The following FYB1 variants were observed in gnomAD, a reference collection of about 807,000 sequenced individuals.
FYB1 encodes the protein FYN binding protein 1.
A neutral mutation model predicts 94.1 loss-of-function variants in FYB1; 41 were observed. The observed-to-expected ratio is 0.44, with a 90% confidence interval of 0.34 to 0.57. FYB1 has a LOEUF of 0.57. Ranked by LOEUF, FYB1 falls within the 20% of genes least tolerant of loss-of-function variation. The pLI, the probability that FYB1 is intolerant of heterozygous loss-of-function variation, is 0.02. For synonymous variants in FYB1, 367 were observed against 353.2 expected, an observed-to-expected ratio of 1.04 and a Z score of -0.44; for missense variants, 1,050 against 976.8, an observed-to-expected ratio of 1.07 and a Z score of -1.00.
chr5:39,183,303 G>A (rs111799527), intron 2 of FYB1, among the ~76,000 whole-genome samples: 3,508 of 152,096 alleles, frequency 0.023, 63 homozygotes, highest in Non-Finnish European at 0.036. Flanking sequence ...CTTTTTTTAA[G>A]GTACGATTAA....
chr5:39,220,743 T>C (rs191139158), upstream of FYB1, among the ~76,000 whole-genome samples: 1 of 152,348 alleles, frequency 6.6e-6, no homozygotes, highest in African/African-American at 2.4e-5. Flanking sequence ...CCAGAGATGG[T>C]CACTTTCCTC....
At position 39,202,975 on chromosome 5, in the gene FYB1, C is replaced by G. The variant is rs200853480; in HGVS notation, c.-15G>C. On this transcript the variant is annotated 5_prime_UTR_variant, in exon 2 of 19. Transcript: ENST00000512982. ...TATTTCGCCATGAGGGACTTTACATCTGCCTTTCCATCCTACAAACATAGG... is the reference window on the plus strand; with the variant it reads ...TATTTCGCCATGAGGGACTTTACATGTGCCTTTCCATCCTACAAACATAGG... The G allele has an allele frequency of 2.1e-4, 339 of 1,613,266 alleles. 2 individuals are homozygous for G. In the African/African-American group the frequency reaches 4.0e-3, roughly 19 times the overall value.
intron 1 of FYB1, among the ~76,000 whole-genome samples, chr5:39,247,988 A>C (rs543597616): frequency 2.0e-5 from 3 of 152,062 alleles, no homozygotes; most frequent in Non-Finnish European, 4.4e-5. Context: ...AGTCAAAGCA[A>C]GCACATTGGT....
intron 1 of FYB1, among the ~76,000 whole-genome samples, chr5:39,255,260 C>T (rs1418480519): frequency 6.6e-6 from 1 of 152,118 alleles, no homozygotes; most frequent in African/African-American, 2.4e-5. Context: ...CTTGCCCAGT[C>T]TATGTGACAT....
At chr5:39,227,349 AG>A (rs1750521924) in intron 1 of FYB1, among the ~76,000 whole-genome samples, 1 of 152,198 alleles carries the variant, frequency 6.6e-6, no homozygotes, top group African/African-American at 2.4e-5. Flanking sequence ...TATTTTTCAT[AG>A]GGGATGCCAA....
intron 6 of FYB1, 25 bp downstream of exon 6, chr5:39,138,632 T>C (rs369426419): frequency 1.2e-5 from 18 of 1,457,388 alleles, no homozygotes; most frequent in Non-Finnish European, 1.6e-5. Flanking sequence ...AAGAAAACTG[T>C]CATGGTAAAA....
chr5:39,227,435 A>G (rs1324117521), intron 1 of FYB1, among the ~76,000 whole-genome samples: 7 of 152,202 alleles, frequency 4.6e-5, no homozygotes, highest in Non-Finnish European at 7.3e-5. Context: ...ATGAATTGTC[A>G]TTTGCACAAC....
intron 2 of FYB1, among the ~76,000 whole-genome samples, chr5:39,196,207 T>C (rs1207827012): frequency 1.5e-5 from 2 of 130,584 alleles, no homozygotes; most frequent in Non-Finnish European, 3.2e-5. Flanking sequence ...TATAATTCTT[T>C]CTTTTTTTTT....
intron 1 of FYB1, among the ~76,000 whole-genome samples, chr5:39,214,935 A>G (rs1749723682): frequency 1.3e-5 from 2 of 152,200 alleles, no homozygotes; most frequent in Non-Finnish European, 2.9e-5. Flanking sequence ...TGTCAAAAAA[A>G]AAATATTGTG....
In FYB1 at chr5:39,214,126, G is replaced by A. The variant is rs115318949; in HGVS notation, c.-28+5317C>T. Among the ~76,000 whole-genome samples the A allele has an allele frequency of 6.1e-3, 930 of 152,298 alleles. 8 individuals carry two copies. The highest frequency in any genetic ancestry group is 0.021 in the African/African-American group (876 of 41,552). On this transcript the variant is annotated intron_variant, in intron 1 of 18. Coordinates refer to ENST00000512982, the MANE Select transcript of FYB1 (RefSeq NM_001465.6). ...GGTTTTCAAAAGAAAGTACCACAGA[G>A]AGAGTCATCTATTATTTCTAGACAG...
rs530703362 is a variant in FYB1 at position 39,162,710 on chromosome 5, G to A, written c.1136-9106C>T. 4.1e-3 allele frequency among the ~76,000 whole-genome samples: 446 copies of A among 108,784 alleles called. 2 individuals carry two copies. Among genetic ancestry groups the A allele is most frequent in the African/African-American group, 0.012 (438 of 37,528 alleles). 71.4% of individuals were successfully genotyped at this position (108,784 alleles called of 152,430 possible). A position where few individuals can be genotyped will look rare whatever the true frequency, so the allele number is the denominator to read the frequency against. Reference sequence around the variant, plus strand: ...AAAAAAAGTTTTGGTAAGTAATGCCGTTTAGTGATTTTTTTTTTTTTAAAC... The same window carrying A: ...AAAAAAAGTTTTGGTAAGTAATGCCATTTAGTGATTTTTTTTTTTTTAAAC... On this transcript the variant is annotated intron_variant, in intron 2 of 18. Coordinates refer to ENST00000512982, the MANE Select transcript of FYB1 (RefSeq NM_001465.6).
intron 1 of FYB1, among the ~76,000 whole-genome samples, chr5:39,252,404 G>A (rs1235361229): frequency 6.6e-6 from 1 of 152,104 alleles, no homozygotes; most frequent in Non-Finnish European, 1.5e-5. Flanking sequence ...CATAATATAA[G>A]GGAAATAGCT....
At chr5:39,270,765 G>C in intron 1 of FYB1, 1 of 463,674 alleles carries the variant, frequency 2.2e-6, no homozygotes, top group Non-Finnish European at 3.8e-6. Flanking sequence ...TGTATAGCTG[G>C]CCAGGTTTAT....
At chr5:39,134,383 C>T (rs1255811376) in intron 8 of FYB1, 34 bp from the exon 9 acceptor site, 1 of 1,517,820 alleles carries the variant, frequency 6.6e-7, no homozygotes, top group Non-Finnish European at 9.0e-7. Flanking sequence ...GTTCAGGCAA[C>T]TGTAGTTTAA....
chr5:39,256,483 T>G (rs1751947130), intron 1 of FYB1, among the ~76,000 whole-genome samples: 2 of 152,182 alleles, frequency 1.3e-5, no homozygotes, highest in Admixed American at 1.3e-4. Context: ...TCCTGGCTGT[T>G]TTATGGGAAT....
rs534982583 is a variant in FYB1 at position 39,145,695 on chromosome 5, A to G, written c.1293-4554T>C. Among the ~76,000 whole-genome samples, 56 of 152,308 alleles carry G rather than the reference A, an allele frequency of 3.7e-4. No homozygotes were observed. The South Asian group carries it at 0.012, about 32-fold the overall frequency. On this transcript the variant is annotated intron_variant, in intron 3 of 18. Coordinates refer to ENST00000512982, the MANE Select transcript of FYB1 (RefSeq NM_001465.6). ...TAAAATCCATAGCTCTTTTTATGGC[A>G]TACAAGGTTCTTATGATCAATCTTG...
At chr5:39,122,427 G>C in intron 13 of FYB1, 25 bp from the exon 14 acceptor site, 1 of 1,387,122 alleles carries the variant, frequency 7.2e-7, no homozygotes, top group Non-Finnish European at 1.0e-6. Flanking sequence ...AATATCAAAG[G>C]TTGAAACACT....
intron 1 of FYB1, among the ~76,000 whole-genome samples, chr5:39,242,773 C>T (rs865870673): frequency 2.6e-5 from 4 of 152,152 alleles, no homozygotes; most frequent in South Asian, 2.1e-4. Context: ...AAAAATGTTC[C>T]TATTTCTCCA....
At chr5:39,211,443 CT>C (rs1422909044) in intron 1 of FYB1, among the ~76,000 whole-genome samples, 1 of 151,910 alleles carries the variant, frequency 6.6e-6, no homozygotes, top group Admixed American at 6.6e-5. Flanking sequence ...GCCTCAGCCT[CT>C]CCGAGTAGCT....
Sources: allele counts gnomAD v4.1 joint callset (sites outside exome capture counted in the v4.1 genomes callset), GRCh38; gene constraint gnomAD v4.1.1; transcripts MANE v1.5; gene names NCBI Gene and HGNC (gene_info 2026-07-23, HGNC 2026-07-21).